Variants in RAI14 observed in about 807,000 individuals in gnomAD.
RAI14 encodes ankycorbin.
A neutral mutation model predicts 115.4 loss-of-function variants in RAI14; 45 were observed. The ratio of observed to expected loss-of-function variants is 0.39; its 90% CI spans 0.31 to 0.50. RAI14 has a LOEUF of 0.50. Among genes scored for constraint, RAI14 ranks in the 20% least tolerant of loss-of-function variants. RAI14 has a pLI of 0.85. For missense variants in RAI14, 939 were observed against 1,131.2 expected (o/e 0.83, Z 2.44); for synonymous variants, 371 against 415.4 (o/e 0.89, Z 1.30).
At chr5:34,813,687 A>T (rs1242091520) in intron 11 of RAI14, 27 bp downstream of exon 11, 1 of 1,539,788 alleles carries the variant, frequency 6.5e-7, no homozygotes, top group Non-Finnish European at 8.9e-7. Context: ...ACCAACAATC[A>T]ATAAACGCAC....
At chr5:34,692,124 A>C (rs1454745929) in intron 2 of RAI14, among the ~76,000 whole-genome samples, 2 of 152,084 alleles carry the variant, frequency 1.3e-5, no homozygotes, top group African/African-American at 4.8e-5. Flanking sequence ...TTAGCCAGGC[A>C]TGGTGGTGCA....
intron 2 of RAI14, among the ~76,000 whole-genome samples, chr5:34,699,079 G>A (rs1484559613): frequency 6.6e-6 from 1 of 152,174 alleles, no homozygotes; most frequent in Admixed American, 6.5e-5. Flanking sequence ...AGGCAACTTG[G>A]TGGGAAGACA....
chr5:34,826,714 C>T (rs185739409), intron 16 of RAI14, among the ~76,000 whole-genome samples: 1 of 152,164 alleles, frequency 6.6e-6, no homozygotes, highest in Admixed American at 6.5e-5. Context: ...AGGAAAGAAC[C>T]GACAGGACAG....
At chr5:34,807,537 A>G (rs150077998) in intron 5 of RAI14, among the ~76,000 whole-genome samples, 57 of 152,156 alleles carry the variant, frequency 3.7e-4, no homozygotes, top group African/African-American at 1.2e-3. Flanking sequence ...GAGTATGTCT[A>G]TTAGCTGGTG....
intron 2 of RAI14, among the ~76,000 whole-genome samples, chr5:34,735,787 G>A (rs1237352323): frequency 2.0e-5 from 3 of 152,190 alleles, no homozygotes; most frequent in African/African-American, 4.8e-5. Context: ...AAATTAGAGT[G>A]GAGTTTTAGC....
intron 3 of RAI14, among the ~76,000 whole-genome samples, chr5:34,778,908 G>C (rs1751250295): frequency 6.6e-6 from 1 of 152,046 alleles, no homozygotes; most frequent in Admixed American, 6.5e-5. Flanking sequence ...AAGCCTGGCA[G>C]AGACACAACA....
At chr5:34,822,704 G>A (rs573245133) in intron 14 of RAI14, among the ~76,000 whole-genome samples, 2 of 75,840 alleles carry the variant, frequency 2.6e-5, no homozygotes, top group South Asian at 5.0e-4. Flanking sequence ...TTTTTTTTGA[G>A]ACGGAGTCTT....
chr5:34,716,010 T>C (rs1179003577), intron 2 of RAI14: 3 of 425,100 alleles, frequency 7.1e-6, no homozygotes, highest in Non-Finnish European at 1.4e-5. Context: ...ATGTGGGTAG[T>C]TACAGTACAG....
chr5:34,753,271 T>C (rs1247264551), intron 2 of RAI14, among the ~76,000 whole-genome samples: 1 of 152,188 alleles, frequency 6.6e-6, no homozygotes, highest in Non-Finnish European at 1.5e-5. Flanking sequence ...CTTTGGGATG[T>C]TATGATAAAA....
chr5:34,689,505 A>G (rs925487579), intron 2 of RAI14, among the ~76,000 whole-genome samples: 2 of 152,152 alleles, frequency 1.3e-5, no homozygotes, highest in African/African-American at 4.8e-5. Flanking sequence ...ACTCTTCTGA[A>G]CCTCAGATTC....
chr5:34,737,486 C>T (rs1270332448), intron 2 of RAI14, among the ~76,000 whole-genome samples: 6 of 151,928 alleles, frequency 3.9e-5, no homozygotes, highest in African/African-American at 1.2e-4. Context: ...TGTCTTGGCA[C>T]GGTGGCTTAC....
chr5:34,800,916 A>T (rs1410641962), intron 4 of RAI14, among the ~76,000 whole-genome samples: 1 of 152,160 alleles, frequency 6.6e-6, no homozygotes, highest in Non-Finnish European at 1.5e-5. Flanking sequence ...TACAATCAGG[A>T]TGTGTTCCAA....
chr5:34,725,391 A>G (rs185094958), intron 2 of RAI14, among the ~76,000 whole-genome samples: 22 of 152,236 alleles, frequency 1.4e-4, no homozygotes, highest in African/African-American at 5.3e-4. Flanking sequence ...AGGAAGAAAG[A>G]CATTGTGAGC....
intron 1 of RAI14, among the ~76,000 whole-genome samples, chr5:34,673,275 G>A (rs940487559): frequency 1.1e-4 from 16 of 152,168 alleles, no homozygotes; most frequent in Non-Finnish European, 1.9e-4. Context: ...TGTTAGAGGA[G>A]GGTAATGAAT....
Position 34,829,390 on chromosome 5 carries a change from G to A in RAI14, c.2800-342G>A, listed in dbSNP as rs536056285. ...TTTAGTAGAGACGGGGTTTCACCAT[G>A]TTGTCCAGGCTGGTCTCAAACTCCT... On this transcript the variant is annotated intron_variant, in intron 16 of 17. Transcript: ENST00000265109. Among the ~76,000 whole-genome samples the A allele has an allele frequency of 8.5e-5, 13 of 152,240 alleles. No individual in the cohort carries two copies. The South Asian group carries it at 2.5e-3, about 29-fold the overall frequency.
At position 34,808,641 on chromosome 5, in the gene RAI14, A is replaced by T; in HGVS notation, c.437A>T (p.Asn146Ile). The T allele has an allele frequency of 6.2e-7, 1 of 1,614,154 alleles. No individual in the cohort carries two copies. Among genetic ancestry groups the T allele is most frequent in the Non-Finnish European group, 8.5e-7 (1 of 1,180,012 alleles). ...QILCEHKSPI[N>I]LKDLDGNIPL... is the part of the protein sequence containing the mutation. ...CTCTGCGAACACAAGAGCCCCATAAACCTCAAAGATTTGGTAAGTACCAGG... is the reference window on the plus strand; with the variant it reads ...CTCTGCGAACACAAGAGCCCCATAATCCTCAAAGATTTGGTAAGTACCAGG... Residue 146 changes from asparagine (N) to isoleucine (I), a missense_variant, in exon 7 of 18, where the codon AAC becomes ATC. Transcript: ENST00000265109.
At chr5:34,811,396 A>G (rs1447595664) in intron 8 of RAI14, among the ~76,000 whole-genome samples, 1 of 152,182 alleles carries the variant, frequency 6.6e-6, no homozygotes, top group Non-Finnish European at 1.5e-5. Context: ...ATGCAAAATA[A>G]AACAAACCTA....
intron 4 of RAI14, among the ~76,000 whole-genome samples, chr5:34,798,010 A>G (rs1306330769): frequency 6.6e-6 from 1 of 152,116 alleles, no homozygotes; most frequent in East Asian, 1.9e-4. Context: ...TGTAGGGAAA[A>G]ATAAGTTGGT....
chr5:34,789,866 A>G (rs1040500812), intron 3 of RAI14, among the ~76,000 whole-genome samples: 1 of 152,198 alleles, frequency 6.6e-6, no homozygotes, highest in African/African-American at 2.4e-5. Context: ...ATAAGTAAGG[A>G]AGCATAGATT....
Sources: gnomAD v4.1 joint callset for allele counts (sites outside exome capture counted in the v4.1 genomes callset) on GRCh38, gnomAD v4.1.1 for gene constraint, MANE v1.5 for transcripts, NCBI Gene and HGNC (gene_info 2026-07-23, HGNC 2026-07-21) for gene names.